Variants in POU6F2 observed in about 807,000 individuals in gnomAD.
The protein encoded by POU6F2 is POU domain, class 6, transcription factor 2.
A neutral mutation model predicts 71.3 loss-of-function variants in POU6F2; 31 were observed. The observed-to-expected ratio is 0.43, with a 90% CI of 0.33 to 0.59. The LOEUF (loss-of-function observed/expected upper bound fraction) is 0.59. POU6F2 is among the 20% of genes least tolerant of loss of function. The pLI, the probability that POU6F2 is intolerant of heterozygous loss-of-function variation, is 0.04. For missense variants in POU6F2, 783 were observed against 856.8 expected, an observed-to-expected ratio of 0.91 and a Z score of 1.07; for synonymous variants, 347 against 355.7, an observed-to-expected ratio of 0.98 and a Z score of 0.27.
chr7:39,009,885 G>A, intron 1 of POU6F2, among the ~76,000 whole-genome samples: 1 of 151,326 alleles, frequency 6.6e-6, no homozygotes, highest in South Asian at 2.1e-4. Context: ...ACTTGATCAT[G>A]GTGGATAAGC....
intron 5 of POU6F2, among the ~76,000 whole-genome samples, chr7:39,366,294 T>A (rs1371029352): frequency 6.6e-6 from 1 of 152,036 alleles, no homozygotes; most frequent in Admixed American, 6.5e-5. Flanking sequence ...AAGGACATCC[T>A]CCCTGAGGAG....
Position 39,190,417 on chromosome 7 carries a change from TAAA to T in POU6F2, c.278-13791_278-13789del, listed in dbSNP as rs57872350. 5.1e-3 allele frequency among the ~76,000 whole-genome samples: 305 copies of T among 59,882 alleles called. 4 individuals are homozygous for T. Among genetic ancestry groups the T allele is most frequent in the African/African-American group, 0.018 (249 of 13,570 alleles). The allele number at this position is 59,882 out of a possible 152,430, so 39.3% of individuals were successfully genotyped here. A position where few individuals can be genotyped will look rare whatever the true frequency, so the allele number is the denominator to read the frequency against. The stretch of plus-strand genomic sequence containing the variant: ...TTCCTTTTCCTCCTCCTCCTTTTCT[TAAA>T]AAAAAAAAAAAAAAAAAAAAAAAAA... On this transcript the variant is annotated intron_variant, in intron 2 of 9. Coordinates refer to ENST00000518318, the MANE Select transcript of POU6F2 (RefSeq NM_001370959.1).
chr7:39,178,821 T>C (rs1019863775), intron 2 of POU6F2, among the ~76,000 whole-genome samples: 20 of 152,224 alleles, frequency 1.3e-4, no homozygotes, highest in African/African-American at 4.8e-4. Context: ...TTGGCTCTGA[T>C]GGAAGAAGGC....
At chr7:39,315,732 G>A (rs1282886619) in intron 4 of POU6F2, among the ~76,000 whole-genome samples, 1 of 152,160 alleles carries the variant, frequency 6.6e-6, no homozygotes, top group Non-Finnish European at 1.5e-5. Flanking sequence ...ATGGCAGTAG[G>A]TTGGGGAGAA....
In POU6F2 at chr7:39,415,056, T is replaced by C; in HGVS notation, c.1113+8316T>C. On this transcript the variant is annotated intron_variant, in intron 6 of 9. Coordinates refer to ENST00000518318, the MANE Select transcript of POU6F2 (RefSeq NM_001370959.1). ...TTTGTTTTTTGAGACGGAGCTTCAC[T>C]CTTGTTGCCTAGGCTGGAGTGCAAT... Among the ~76,000 whole-genome samples the C allele has an allele frequency of 1.3e-5, 2 of 152,150 alleles. 1 individual carries two copies. The highest frequency in any genetic ancestry group is 2.9e-5 in the Non-Finnish European group (2 of 68,028).
At chr7:39,350,064 T>C (rs1284861184) in intron 5 of POU6F2, among the ~76,000 whole-genome samples, 5 of 152,210 alleles carry the variant, frequency 3.3e-5, no homozygotes, top group South Asian at 4.1e-4. Context: ...GAAGGCTCAG[T>C]TGGGCTCCGA....
chr7:39,129,802 G>A (rs991977715), intron 2 of POU6F2, among the ~76,000 whole-genome samples: 19 of 151,958 alleles, frequency 1.3e-4, no homozygotes, highest in Admixed American at 4.6e-4. Context: ...TGTGGCTCAC[G>A]CCTGGGATCC....
chr7:39,397,903 C>A (rs918675442), intron 5 of POU6F2, among the ~76,000 whole-genome samples: 1 of 146,180 alleles, frequency 6.8e-6, no homozygotes, highest in Admixed American at 6.8e-5. Context: ...ACTGCAACCT[C>A]CGCCTCCCGG....
chr7:39,112,013 A>G (rs1791823074), intron 2 of POU6F2, among the ~76,000 whole-genome samples: 1 of 152,100 alleles, frequency 6.6e-6, no homozygotes, highest in Non-Finnish European at 1.5e-5. Flanking sequence ...GCCTGTTGAG[A>G]AGGTGGTGAT....
chr7:39,048,580 T>G (rs543693077), intron 1 of POU6F2, among the ~76,000 whole-genome samples: 205 of 152,140 alleles, frequency 1.3e-3, no homozygotes, highest in African/African-American at 4.7e-3. Flanking sequence ...CTTTATCCAG[T>G]CTACCGTTGA....
At chr7:39,086,813 AG>A (rs965072836) in intron 2 of POU6F2, among the ~76,000 whole-genome samples, 1 of 152,172 alleles carries the variant, frequency 6.6e-6, no homozygotes, top group African/African-American at 2.4e-5. Context: ...CTAATCAGAA[AG>A]GGGAGCGGGT....
Position 39,339,776 on chromosome 7 carries a change from C to G in POU6F2, c.733C>G (p.Gln245Glu), listed in dbSNP as rs745744630. The part of the protein sequence containing the change: ...QPAPQAPSQS[Q>E]QQPLQPTPPQ... ...AGCCCCACAGGCGCCCTCGCAGTCC[C>G]AGCAGCAGCCGCTGCAGCCCACCCC... Residue 245 changes from glutamine (Q) to glutamate (E), a missense_variant, in exon 5 of 10, where the codon CAG becomes GAG. This residue lies in a region of POU6F2 where 572 missense variants were observed against 572.9 expected (regional missense o/e 1.00). Transcript: ENST00000518318. The G allele has an allele frequency of 1.3e-6, 2 of 1,579,346 alleles. No homozygotes were observed. Among genetic ancestry groups the G allele is most frequent in the South Asian group, 2.3e-5 (2 of 87,734 alleles).
In POU6F2 at chr7:39,149,055, T is replaced by C. The variant is rs371404523; in HGVS notation, c.278-55180T>C. ...GATCCAGGAGAGGGAGGGAGGGGAT[T>C]GTTGATGAGGGAGGACTCTGAGGAA... On this transcript the variant is annotated intron_variant, in intron 2 of 9. Transcript: ENST00000518318. 1.4e-3 allele frequency among the ~76,000 whole-genome samples: 206 copies of C among 152,122 alleles called. 3 individuals carry two copies. In the South Asian group the frequency reaches 0.023, roughly 17 times the overall value.
intron 6 of POU6F2, among the ~76,000 whole-genome samples, chr7:39,416,207 A>G (rs1310362497): frequency 6.6e-6 from 1 of 152,098 alleles, no homozygotes; most frequent in East Asian, 1.9e-4. Context: ...TATTTTTACT[A>G]TGATTATTTT....
At chr7:39,442,132 CA>C (rs1431531338) in intron 7 of POU6F2, among the ~76,000 whole-genome samples, 1 of 152,006 alleles carries the variant, frequency 6.6e-6, no homozygotes, top group East Asian at 1.9e-4. Context: ...TCAATGAGTA[CA>C]AAAAAATCTA....
chr7:39,109,881 T>C (rs1282426106), intron 2 of POU6F2, among the ~76,000 whole-genome samples: 1 of 152,214 alleles, frequency 6.6e-6, no homozygotes, highest in Non-Finnish European at 1.5e-5. Context: ...ATGAGTGGTG[T>C]CCTGGAGCCA....
chr7:39,332,990 G>T (rs1447304696), intron 4 of POU6F2, among the ~76,000 whole-genome samples: 1 of 152,010 alleles, frequency 6.6e-6, no homozygotes, highest in Non-Finnish European at 1.5e-5. Context: ...GAGATTTTAG[G>T]CCTAGATGGG....
chr7:38,981,168 C>T (rs1788306228), intron 1 of POU6F2, among the ~76,000 whole-genome samples: 1 of 152,166 alleles, frequency 6.6e-6, no homozygotes, highest in Admixed American at 6.5e-5. Context: ...ATTTTCAATT[C>T]AATTCAATTA....
intron 1 of POU6F2, among the ~76,000 whole-genome samples, chr7:39,075,584 C>T (rs1790984040): frequency 6.6e-6 from 1 of 152,160 alleles, no homozygotes; most frequent in African/African-American, 2.4e-5. Context: ...AAAAATCCTA[C>T]CAAGAGAACA....
Sources: gnomAD v4.1 joint callset for allele counts (sites outside exome capture counted in the v4.1 genomes callset) on GRCh38, gnomAD v4.1.1 for gene constraint, gnomAD v4.1.1 regional missense constraint, MANE v1.5 for transcripts, NCBI Gene and HGNC (gene_info 2026-07-23, HGNC 2026-07-21) for gene names.